The following SKAP1 variants were observed in gnomAD, a reference collection of about 807,000 sequenced individuals.
SKAP1 encodes the protein src kinase-associated phosphoprotein 1.
SKAP1 carries 44 observed loss-of-function variants against 58.5 expected under a neutral mutation model. The observed-to-expected ratio is 0.75, with a 90% confidence interval of 0.59 to 0.97. The LOEUF is 0.97. SKAP1 is among the 50% of genes least tolerant of loss of function. The pLI is 0.00. For synonymous variants in SKAP1, 127 were observed against 149.7 expected (o/e 0.85, Z 1.11); for missense variants, 390 against 435.2 (o/e 0.90, Z 0.92).
chr17:48,395,958 G>A (rs2067413254), intron 2 of SKAP1, among the ~76,000 whole-genome samples: 1 of 152,170 alleles, frequency 6.6e-6, no homozygotes, highest in African/African-American at 2.4e-5. Context: ...CCTTTTCTAA[G>A]AATATTCAGT....
intron 3 of SKAP1, among the ~76,000 whole-genome samples, chr17:48,358,529 T>TA (rs970362973): frequency 2.2e-4 from 33 of 152,304 alleles, no homozygotes; most frequent in African/African-American, 7.7e-4. Flanking sequence ...CTTGTAAATC[T>TA]AGCCTCTGAA....
At chr17:48,134,765 G>A (rs530039728) in intron 12 of SKAP1, among the ~76,000 whole-genome samples, 6 of 150,586 alleles carry the variant, frequency 4.0e-5, no homozygotes, top group Admixed American at 6.6e-5. Context: ...GTACAATGGC[G>A]CGATCTCGGC....
At chr17:48,217,677 G>A (rs916653107) in intron 4 of SKAP1, among the ~76,000 whole-genome samples, 3 of 151,850 alleles carry the variant, frequency 2.0e-5, no homozygotes, top group Non-Finnish European at 4.4e-5. Flanking sequence ...GTTAGGTAAA[G>A]GTAAAAATTA....
In SKAP1 at chr17:48,289,208, T is replaced by C. The variant is rs370729746; in HGVS notation, c.280+56697A>G. Among the ~76,000 whole-genome samples the C allele has an allele frequency of 4.0e-4, 61 of 152,284 alleles. 1 individual carries two copies. The East Asian group carries it at 7.1e-3, about 18-fold the overall frequency. ...GTTGACTGCTAAAAGAAATAAAGTT[T>C]TCAAGACTCTTTTTCCTATATATTC... On this transcript the variant is annotated intron_variant, in intron 4 of 12. Transcript: ENST00000336915.
At chr17:48,155,035 C>T (rs887324679) in intron 11 of SKAP1, among the ~76,000 whole-genome samples, 3 of 148,936 alleles carry the variant, frequency 2.0e-5, no homozygotes, top group Non-Finnish European at 4.4e-5. Flanking sequence ...ACTCCAGTCT[C>T]GCAGTCTGGG....
At chr17:48,433,870 C>T (rs1384382535), upstream of SKAP1, among the ~76,000 whole-genome samples, 2 of 152,144 alleles carry the variant, frequency 1.3e-5, no homozygotes, top group African/African-American at 2.4e-5. Flanking sequence ...GGTGGGCACT[C>T]GCTAAATAGG....
intron 4 of SKAP1, among the ~76,000 whole-genome samples, chr17:48,268,398 T>G (rs2938474): frequency 0.15 from 22,990 of 152,194 alleles, 2,093 homozygotes; most frequent in East Asian, 0.45. Context: ...CTATAATGTG[T>G]ATTCATTGCT....
intron 2 of SKAP1, among the ~76,000 whole-genome samples, chr17:48,392,911 C>T (rs934716173): frequency 1.1e-4 from 16 of 151,378 alleles, no homozygotes; most frequent in African/African-American, 3.4e-4. Context: ...CCACTCTCAA[C>T]GTATTCTTGC....
intron 11 of SKAP1, among the ~76,000 whole-genome samples, chr17:48,138,617 G>C (rs1357933080): frequency 2.6e-5 from 4 of 152,078 alleles, no homozygotes; most frequent in African/African-American, 9.7e-5. Context: ...TGATCCACCC[G>C]CCTCAGCCTC....
chr17:48,140,911 C>T (rs1378015138), intron 11 of SKAP1, among the ~76,000 whole-genome samples: 4 of 151,918 alleles, frequency 2.6e-5, no homozygotes, highest in Non-Finnish European at 5.9e-5. Flanking sequence ...CTCAGCCTCC[C>T]GAGTAGCTAG....
At chr17:48,364,976 TG>T (rs2066984022) in intron 2 of SKAP1, among the ~76,000 whole-genome samples, 1 of 152,122 alleles carries the variant, frequency 6.6e-6, no homozygotes, top group African/African-American at 2.4e-5. Context: ...CTTGACCTGC[TG>T]GGCTCAAGGG....
chr17:48,185,675 G>T (rs1160685004), intron 6 of SKAP1, among the ~76,000 whole-genome samples: 1 of 152,056 alleles, frequency 6.6e-6, no homozygotes, highest in Non-Finnish European at 1.5e-5. Context: ...GCCTTTTGAT[G>T]ATGATAATGA....
intron 4 of SKAP1, among the ~76,000 whole-genome samples, chr17:48,231,248 A>T (rs990763395): frequency 6.6e-6 from 1 of 152,206 alleles, no homozygotes; most frequent in Non-Finnish European, 1.5e-5. Flanking sequence ...CATTTTTAAC[A>T]GACTCCCTTA....
rs538064419 is a variant in SKAP1, at chr17:48,282,585, G to C, written c.280+63320C>G. Among the ~76,000 whole-genome samples, 3 of 152,224 alleles carry C rather than the reference G, an allele frequency of 2.0e-5. No individual in the cohort carries two copies. In the East Asian group the frequency reaches 5.8e-4, roughly 29 times the overall value. ...GCCCAAGAGTTCAAGACCAGCCTGG[G>C]CAACATAGTGGGACCTCAGCTCTAC... On this transcript the variant is annotated intron_variant, in intron 4 of 12. Transcript: ENST00000336915.
chr17:48,333,311 A>G (rs919571963), intron 4 of SKAP1, among the ~76,000 whole-genome samples: 2 of 152,204 alleles, frequency 1.3e-5, no homozygotes, highest in Admixed American at 1.3e-4. Flanking sequence ...TAAGTATGTA[A>G]GAAGCAACAA....
At chr17:48,289,826 GACT>G (rs1182826420) in intron 4 of SKAP1, among the ~76,000 whole-genome samples, 1 of 151,798 alleles carries the variant, frequency 6.6e-6, no homozygotes, top group Admixed American at 6.6e-5. Context: ...CCTGAATGAA[GACT>G]ACGTCATATT....
chr17:48,268,857 A>G (rs1020989098), intron 4 of SKAP1, among the ~76,000 whole-genome samples: 3 of 152,132 alleles, frequency 2.0e-5, no homozygotes, highest in African/African-American at 4.8e-5. Context: ...AAGTTACTTG[A>G]TAAAACAATT....
chr17:48,214,529 C>A (rs1351267030), intron 4 of SKAP1, among the ~76,000 whole-genome samples: 1 of 152,158 alleles, frequency 6.6e-6, no homozygotes, highest in Non-Finnish European at 1.5e-5. Context: ...CCACCTTGGC[C>A]TCCCAAGTGC....
chr17:48,142,906 ATCC>A (rs1435259835), intron 11 of SKAP1, among the ~76,000 whole-genome samples: 8 of 151,210 alleles, frequency 5.3e-5, no homozygotes, highest in Non-Finnish European at 7.4e-5. Context: ...GGCTTAAGTG[ATCC>A]TCCCGCTTCA....
Sources: allele counts gnomAD v4.1 joint callset (sites outside exome capture counted in the v4.1 genomes callset), GRCh38; gene constraint gnomAD v4.1.1; transcripts MANE v1.5; gene names NCBI Gene and HGNC (gene_info 2026-07-23, HGNC 2026-07-21).